FLNC: variants seen among roughly 807,000 people sequenced by gnomAD.
The protein encoded by FLNC is filamin C, also known as filamin-C.
A neutral mutation model predicts 254.3 loss-of-function variants in FLNC; 91 were observed. The ratio of observed to expected loss-of-function variants is 0.36; its 90% CI spans 0.30 to 0.43. The LOEUF (loss-of-function observed/expected upper bound fraction) is 0.43. Ranked by LOEUF, FLNC falls within the 20% of genes least tolerant of loss-of-function variation. The pLI is 1.00. For missense variants in FLNC, 2,853 were observed against 3,802.6 expected, an observed-to-expected ratio of 0.75 and a Z score of 6.57; for synonymous variants, 1,430 against 1,577.2, an observed-to-expected ratio of 0.91 and a Z score of 2.21.
At chr7:128,851,037 G>T in intron 33 of FLNC, 94 bp downstream of exon 33, 1 of 1,549,052 alleles carries the variant, frequency 6.5e-7, no homozygotes, top group South Asian at 1.1e-5. Context: ...TATTTATTGA[G>T]CACCCGCTGT....
In FLNC at chr7:128,842,657, A is replaced by T; in HGVS notation, c.2348A>T (p.Glu783Val). 1 of 1,546,912 alleles carries T rather than the reference A, an allele frequency of 6.5e-7. No homozygotes were observed. Among genetic ancestry groups the T allele is most frequent in the South Asian group, 1.2e-5 (1 of 84,180 alleles). The part of the protein sequence containing the change: ...GVEKTGLKAN[E>V]PTYFTVDCSE... The stretch of plus-strand genomic sequence containing the variant: ...GAGAAGACAGGCCTCAAGGCCAATG[A>T]GCCCACCTACTTCACGGTGGACTGC... The change falls in exon 15 of 48, where the codon GAG becomes GTG. Residue 783 changes from glutamate to valine, a missense_variant. Coordinates refer to ENST00000325888, the MANE Select transcript of FLNC (RefSeq NM_001458.5). The surrounding 1 kb of genome is among the most constrained non-coding windows in gnomAD (Gnocchi z 5.4).
At chr7:128,839,070 C>G (rs1423409628) in intron 8 of FLNC, among the ~76,000 whole-genome samples, 1 of 152,330 alleles carries the variant, frequency 6.6e-6, no homozygotes, top group East Asian at 1.9e-4. Flanking sequence ...GCATGCCAAG[C>G]CCTCAGGTGG....
Position 128,842,865 on chromosome 7 carries a change from A to G in FLNC, c.2461A>G (p.Ile821Val). ...GPAEADIDFD[I>V]IKNDNDTFTV... Reference sequence around the variant, plus strand: ...TGCAGAGGCTGACATTGACTTCGACATCATCAAGAATGACAACGACACCTT... The same window carrying G: ...TGCAGAGGCTGACATTGACTTCGACGTCATCAAGAATGACAACGACACCTT... The change falls in exon 16 of 48, where the codon ATC becomes GTC. Residue 821 changes from isoleucine (I) to valine (V), a missense_variant. Ile to Val is a conservative substitution (Grantham distance 29). This residue lies in a region of FLNC where 1,573 missense variants were observed against 1,883.5 expected (regional missense o/e 0.84). Coordinates refer to ENST00000325888, the MANE Select transcript of FLNC (RefSeq NM_001458.5). This position sits in a 1 kb window ranked among gnomAD's most constrained non-coding sequence, Gnocchi z 5.4. 6.2e-7 allele frequency: 1 copy of G among 1,614,028 alleles called. No homozygotes were observed. The highest frequency in any genetic ancestry group is 1.3e-5 in the African/African-American group (1 of 75,066).
chr7:128,850,472 G>A lies in FLNC; in HGVS notation c.5387G>A (p.Gly1796Glu), dbSNP rs1362514458. Residue 1796 changes from glycine (G) to glutamate (E), a missense_variant, in exon 32 of 48, where the codon GGG (glycine) becomes GAG (glutamate). Transcript: ENST00000325888. ...NLVIPFAVQK[G>E]ELTGEVRMPS... The stretch of plus-strand genomic sequence containing the variant: ...GTCATCCCCTTCGCGGTGCAGAAAG[G>A]GGAGCTCACAGGTACTGCCCTGTGG... 6.2e-7 allele frequency: 1 copy of A among 1,613,282 alleles called. No individual in the cohort carries two copies. Among genetic ancestry groups the A allele is most frequent in the Non-Finnish European group, 8.5e-7 (1 of 1,179,784 alleles).
rs1159547769 is a variant in FLNC, at chr7:128,857,062, T to C, written c.7562-56T>C. On this transcript the variant is annotated intron_variant, in intron 45 of 47. Transcript: ENST00000325888. The surrounding 1 kb of genome is among the most constrained non-coding windows in gnomAD (Gnocchi z 4.5). Reference sequence around the variant, plus strand: ...GGCTGTCCAGGGAGCTGGGGCCCAGTCCCTCTTGGGCCACAAGCCCTTCCT... The same window carrying C: ...GGCTGTCCAGGGAGCTGGGGCCCAGCCCCTCTTGGGCCACAAGCCCTTCCT... 2.5e-6 allele frequency: 4 copies of C among 1,578,284 alleles called. No homozygotes were observed. The highest frequency in any genetic ancestry group is 3.3e-5 in the Admixed American group (2 of 59,946).
intron 24 of FLNC, 81 bp from the exon 25 acceptor site, chr7:128,847,616 G>T: frequency 1.3e-6 from 2 of 1,546,862 alleles, no homozygotes; most frequent in South Asian, 1.1e-5. Flanking sequence ...AGGCAGGGAA[G>T]GCCTCCTCCT....
chr7:128,832,424 G>A (rs1807928972), intron 1 of FLNC, among the ~76,000 whole-genome samples: 1 of 152,352 alleles, frequency 6.6e-6, no homozygotes, highest in Non-Finnish European at 1.5e-5. Context: ...CAGCAGGCTG[G>A]GTTTTGAAAG....
intron 33 of FLNC, 114 bp downstream of exon 33, chr7:128,851,057 C>T: frequency 6.6e-7 from 1 of 1,517,244 alleles, no homozygotes; most frequent in Non-Finnish European, 9.1e-7. Context: ...TGTGCAGACA[C>T]CAGGCGAGGC....
chr7:128,851,383 G>A, intron 34 of FLNC, 23 bp downstream of exon 34: 2 of 1,614,044 alleles, frequency 1.2e-6, no homozygotes, highest in Non-Finnish European at 1.7e-6. Context: ...CAGGTCGCAG[G>A]CTGGGGTGGA....
At position 128,838,380 on chromosome 7, in the gene FLNC, T is replaced by C; in HGVS notation, c.1161T>C (p.Pro387=). ...KVSARGPGLE[P]VGNVANKPTY... is the part of the protein sequence containing the mutation. Reference sequence around the variant, plus strand: ...CAGCCCGTGGCCCTGGCCTGGAACCTGTGGGCAATGTGGCCAACAAACCCA... The same window carrying C: ...CAGCCCGTGGCCCTGGCCTGGAACCCGTGGGCAATGTGGCCAACAAACCCA... Residue 387 remains proline, a synonymous_variant, in exon 7 of 48, where the codon CCT becomes CCC. Transcript: ENST00000325888. The C allele has an allele frequency of 6.2e-7, 1 of 1,614,002 alleles. No homozygotes were observed. Among genetic ancestry groups the C allele is most frequent in the Non-Finnish European group, 8.5e-7 (1 of 1,180,002 alleles).
rs2128935326 is a variant in FLNC at position 128,841,445 on chromosome 7, T to C, written c.2008-9T>C. 1 of 1,613,790 alleles carries C rather than the reference T, an allele frequency of 6.2e-7. No individual in the cohort carries two copies. On this transcript the variant is annotated splice_polypyrimidine_tract_variant and intron_variant, in intron 12 of 47. Transcript: ENST00000325888. This position sits in a 1 kb window ranked among gnomAD's most constrained non-coding sequence, Gnocchi z 4.3. ...CCCTCCCCAACTCAGCCTTCTTCCC[T>C]CCGCACAGGTGAAGGCCTTTGGGCC...
chr7:128,838,277 T>C lies in FLNC; in HGVS notation c.1058T>C (p.Leu353Pro). ...KVAGLHKVTVLFAGQNIERSP... is the reference protein window; with the variant it reads ...KVAGLHKVTVPFAGQNIERSP... ...ACCTCTGACCCCTAGGTGACCGTGC[T>C]CTTTGCTGGCCAGAACATTGAACGC... Residue 353 changes from leucine (L) to proline (P), a missense_variant, in exon 7 of 48, where the codon CTC becomes CCC. Transcript: ENST00000325888. 1.2e-6 allele frequency: 2 copies of C among 1,614,018 alleles called. No individual in the cohort carries two copies. The highest frequency in any genetic ancestry group is 1.7e-6 in the Non-Finnish European group (2 of 1,179,998).
Position 128,848,549 on chromosome 7 carries a change from C to G in FLNC, c.4581-12C>G. On this transcript the variant is annotated splice_polypyrimidine_tract_variant and intron_variant, in intron 26 of 47. Transcript: ENST00000325888. ...CCACCCAGCCAACTGTTTATCCCTT[C>G]TGCTCCTCAAGCCCCTTCAAGATCA... is the stretch of plus-strand genomic sequence containing the variant. 1 of 1,613,704 alleles carries G rather than the reference C, an allele frequency of 6.2e-7. No individual in the cohort carries two copies. The highest frequency in any genetic ancestry group is 1.3e-5 in the African/African-American group (1 of 75,056).
chr7:128,851,999 G>A (rs549142116), intron 35 of FLNC, among the ~76,000 whole-genome samples: 47 of 152,284 alleles, frequency 3.1e-4, no homozygotes, highest in Middle Eastern at 3.4e-3. Context: ...CCAAGTAGCT[G>A]GGACTCCAGG....
Position 128,830,492 on chromosome 7 carries a change from G to T in FLNC, c.-146G>T. Reference sequence around the variant, plus strand: ...TAGGAGGCCCGCCGAGCCTCGCCGAGCCCCGCCAGCCCCGGCGCGAGAGAA... The same window carrying T: ...TAGGAGGCCCGCCGAGCCTCGCCGATCCCCGCCAGCCCCGGCGCGAGAGAA... On this transcript the variant is annotated 5_prime_UTR_variant, in exon 1 of 48. Transcript: ENST00000325888. The T allele has an allele frequency of 1.4e-6, 1 of 696,316 alleles. No homozygotes were observed. The allele number at this position is 696,316 out of a possible 1,614,324, so 43.1% of individuals were successfully genotyped here. A position where few individuals can be genotyped will look rare whatever the true frequency, so the allele number is the denominator to read the frequency against.
In FLNC at chr7:128,842,179, G is replaced by A. The variant is rs1309450983; in HGVS notation, c.2122-52G>A. 2.5e-6 allele frequency: 4 copies of A among 1,600,306 alleles called. No individual in the cohort carries two copies. The highest frequency in any genetic ancestry group is 3.4e-6 in the Non-Finnish European group (4 of 1,171,876). ...GCTGGGTTCACCTGCGGCCAGCAGA[G>A]GGCGCTCTGCAGAGGCCACAGCTAT... On this transcript the variant is annotated intron_variant, in intron 13 of 47. Transcript: ENST00000325888. This position sits in a 1 kb window ranked among gnomAD's most constrained non-coding sequence, Gnocchi z 5.4.
chr7:128,831,009 G>T lies in FLNC; in HGVS notation c.352+20G>T. On this transcript the variant is annotated intron_variant, in intron 1 of 47. Coordinates refer to ENST00000325888, the MANE Select transcript of FLNC (RefSeq NM_001458.5). ...CCATAGGTCAGTGCCGGGGGCGAGG[G>T]CACGGGCGCTGCGGGGATAGGGTCG... 1 of 1,599,566 alleles carries T rather than the reference G, an allele frequency of 6.3e-7. No homozygotes were observed. Among genetic ancestry groups the T allele is most frequent in the South Asian group, 1.1e-5 (1 of 91,002 alleles).
rs893814984 is a variant in FLNC at position 128,830,852 on chromosome 7, C to T, written c.215C>T (p.Ala72Val). 6.2e-7 allele frequency: 1 copy of T among 1,613,132 alleles called. No individual in the cohort carries two copies. Among genetic ancestry groups the T allele is most frequent in the Non-Finnish European group, 8.5e-7 (1 of 1,179,966 alleles). The change falls in exon 1 of 48, where the codon GCG becomes GTG. Residue 72 changes from alanine (A) to valine (V), a missense_variant. Ala to Val is a moderately conservative substitution (Grantham distance 64, BLOSUM62 0). Coordinates refer to ENST00000325888, the MANE Select transcript of FLNC (RefSeq NM_001458.5). ...CTCAGCGACGGGCTCCGGCTCATCG[C>T]GCTGCTCGAGGTGCTCAGCCAGAAG... ...RDLSDGLRLI[A>V]LLEVLSQKRM...
At chr7:128,840,753 T>G in intron 10 of FLNC, 79 bp downstream of exon 10, 1 of 1,504,172 alleles carries the variant, frequency 6.6e-7, no homozygotes, top group Non-Finnish European at 9.1e-7. Flanking sequence ...TGCGAGGGAG[T>G]TTGAGGGGAG....
Sources: gnomAD v4.1 joint callset for allele counts (sites outside exome capture counted in the v4.1 genomes callset) on GRCh38, gnomAD v4.1.1 for gene constraint, gnomAD v4.1.1 regional missense constraint, Gnocchi (gnomAD v3.1) non-coding constraint, MANE v1.5 for transcripts, NCBI Gene and HGNC (gene_info 2026-07-23, HGNC 2026-07-21) for gene names.